GRAMD1B: variants seen among roughly 807,000 people sequenced by gnomAD.
GRAMD1B encodes the protein GRAM domain containing 1B, also known as protein Aster-B.
Under a neutral mutation model 99.7 loss-of-function variants are expected in GRAMD1B, and 37 were observed. The observed-to-expected ratio is 0.37, with a 90% CI of 0.29 to 0.49. The LOEUF (loss-of-function observed/expected upper bound fraction) is 0.49, where lower values mean the gene tolerates loss of function less well. Ranked by LOEUF, GRAMD1B falls within the 20% of genes least tolerant of loss-of-function variation. The pLI is 0.98. For missense variants in GRAMD1B, 888 were observed against 1,009.2 expected, an observed-to-expected ratio of 0.88 and a Z score of 1.63; for synonymous variants, 427 against 387.6, an observed-to-expected ratio of 1.10 and a Z score of -1.19.
chr11:123,390,086 TA>T (rs1238990465), intron 1 of GRAMD1B, among the ~76,000 whole-genome samples: 2 of 126,548 alleles, frequency 1.6e-5, no homozygotes, highest in Admixed American at 7.5e-5. Flanking sequence ...TAAACTCTTC[TA>T]AAATAAAAAA....
chr11:123,393,709 C>T (rs1307188431), intron 1 of GRAMD1B, among the ~76,000 whole-genome samples: 1 of 152,198 alleles, frequency 6.6e-6, no homozygotes, highest in Non-Finnish European at 1.5e-5. Flanking sequence ...TACAAGCTCC[C>T]CACAGAAGTC....
intron 2 of GRAMD1B, among the ~76,000 whole-genome samples, chr11:123,536,828 C>T (rs1275456878): frequency 6.6e-6 from 1 of 152,108 alleles, no homozygotes. Flanking sequence ...AACTCCTGTC[C>T]CACAAGGTTA....
chr11:123,369,146 A>G (rs1407520687), intron 1 of GRAMD1B, among the ~76,000 whole-genome samples: 1 of 152,032 alleles, frequency 6.6e-6, no homozygotes, highest in African/African-American at 2.4e-5. Context: ...ATAGAAATGC[A>G]AAAAGTTAGC....
chr11:123,402,967 C>CTTT (rs10674808), intron 1 of GRAMD1B, among the ~76,000 whole-genome samples: 71 of 148,172 alleles, frequency 4.8e-4, no homozygotes, highest in African/African-American at 1.6e-3. Context: ...GATTAAAAAT[C>CTTT]TTTTTTTTTT....
intron 1 of GRAMD1B, among the ~76,000 whole-genome samples, chr11:123,376,986 C>T (rs1946710614): frequency 6.6e-6 from 1 of 152,156 alleles, no homozygotes; most frequent in Non-Finnish European, 1.5e-5. Flanking sequence ...ATAAAAAGTA[C>T]AGAGTTCTAC....
chr11:123,460,813 G>A (rs969792353), intron 1 of GRAMD1B, among the ~76,000 whole-genome samples: 2 of 152,056 alleles, frequency 1.3e-5, no homozygotes, highest in African/African-American at 4.8e-5. Context: ...TCACTAGAGC[G>A]GTTGGTCTTT....
chr11:123,404,190 T>C (rs1947774264), intron 1 of GRAMD1B, among the ~76,000 whole-genome samples: 1 of 152,220 alleles, frequency 6.6e-6, no homozygotes, highest in Non-Finnish European at 1.5e-5. Context: ...ATTCTCTCAT[T>C]GAGAAGCACG....
chr11:123,613,741 C>T (rs141816159), intron 16 of GRAMD1B, 83 bp downstream of exon 16: 12,581 of 928,982 alleles, frequency 0.014, 132 homozygotes, highest in Middle Eastern at 0.027. Context: ...CACATGCACA[C>T]TCATTTTGCA....
chr11:123,411,154 G>A (rs768730719), intron 1 of GRAMD1B, among the ~76,000 whole-genome samples: 10 of 151,908 alleles, frequency 6.6e-5, no homozygotes, highest in East Asian at 1.9e-4. Flanking sequence ...ATAGGCGCCC[G>A]CCACCACACC....
intron 1 of GRAMD1B, among the ~76,000 whole-genome samples, chr11:123,381,148 A>C (rs1176576649): frequency 6.6e-6 from 1 of 151,448 alleles, no homozygotes; most frequent in Admixed American, 6.6e-5. Context: ...TCCCTCTCCA[A>C]CTCTTCCTGG....
chr11:123,422,114 C>T (rs1220039720), intron 1 of GRAMD1B, among the ~76,000 whole-genome samples: 1 of 151,984 alleles, frequency 6.6e-6, no homozygotes, highest in Non-Finnish European at 1.5e-5. Flanking sequence ...TGGTTTGAGG[C>T]AAAAATGTGA....
chr11:123,560,013 C>G (rs895328984), intron 2 of GRAMD1B, among the ~76,000 whole-genome samples: 3 of 152,030 alleles, frequency 2.0e-5, no homozygotes, highest in African/African-American at 7.3e-5. Context: ...GGAGCAGAGT[C>G]TCCGGGGAAC....
intron 1 of GRAMD1B, among the ~76,000 whole-genome samples, chr11:123,386,277 T>G (rs185035213): frequency 3.9e-5 from 6 of 152,230 alleles, no homozygotes; most frequent in Admixed American, 1.3e-4. Flanking sequence ...TAGGGGCTGA[T>G]TTGTAGGGGT....
intron 1 of GRAMD1B, among the ~76,000 whole-genome samples, chr11:123,425,237 G>T: frequency 6.6e-6 from 1 of 152,278 alleles, no homozygotes; most frequent in Non-Finnish European, 1.5e-5. Flanking sequence ...ATCACTAGTC[G>T]GTAGTTAGTA....
intron 2 of GRAMD1B, among the ~76,000 whole-genome samples, chr11:123,490,588 G>A (rs1938439580): frequency 6.6e-6 from 1 of 152,146 alleles, no homozygotes; most frequent in Non-Finnish European, 1.5e-5. Context: ...GAATGTGGAT[G>A]GTGATAGTGA....
intron 4 of GRAMD1B, among the ~76,000 whole-genome samples, chr11:123,590,846 G>A (rs551290419): frequency 1.2e-4 from 18 of 152,286 alleles, no homozygotes; most frequent in East Asian, 3.9e-4. Context: ...CTGGGCATTC[G>A]GTTCCTTTGC....
intron 2 of GRAMD1B, chr11:123,525,529 C>T (rs532584684): frequency 6.5e-6 from 1 of 152,914 alleles, no homozygotes; most frequent in East Asian, 1.9e-4. Context: ...ATTCCTCACG[C>T]ACCCTCTCCC....
chr11:123,579,094 C>T (rs1949052348), intron 3 of GRAMD1B, among the ~76,000 whole-genome samples: 1 of 152,202 alleles, frequency 6.6e-6, no homozygotes, highest in African/African-American at 2.4e-5. Context: ...GTGGGGTGCC[C>T]ATGCCTGGAG....
chr11:123,420,151 A>T (rs1948379383), intron 1 of GRAMD1B, among the ~76,000 whole-genome samples: 2 of 152,214 alleles, frequency 1.3e-5, no homozygotes, highest in South Asian at 4.1e-4. Flanking sequence ...CTACTATTGC[A>T]ACAGAGGATG....
Sources: allele counts gnomAD v4.1 joint callset (sites outside exome capture counted in the v4.1 genomes callset), GRCh38; gene constraint gnomAD v4.1.1; transcripts MANE v1.5; gene names NCBI Gene and HGNC (gene_info 2026-07-23, HGNC 2026-07-21).